Variants in SIM2 observed in about 807,000 individuals in gnomAD.
SIM2 encodes the protein SIM bHLH transcription factor 2, also known as single-minded homolog 2.
In SIM2, 28 loss-of-function variants were observed where a neutral mutation model predicts 64.8. That is an observed-to-expected ratio of 0.43 (90% CI 0.32 to 0.59). The LOEUF is 0.59. SIM2 is among the 20% of genes least tolerant of loss of function. The pLI is 0.07. For missense variants in SIM2, 847 were observed against 871.4 expected (o/e 0.97, Z 0.35); for synonymous variants, 408 against 391.1 (o/e 1.04, Z -0.51).
At chr21:36,707,873 C>T (rs1489483962) in intron 1 of SIM2, among the ~76,000 whole-genome samples, 1 of 150,094 alleles carries the variant, frequency 6.7e-6, no homozygotes, top group Non-Finnish European at 1.5e-5. Context: ...TCCCTCGTAT[C>T]CCGCGCTGCC....
rs2089219578 is a variant in SIM2, at chr21:36,745,636, G to A, written c.1576+500G>A. ...CAGAAATGCCACTCACCAACCCAGG[G>A]CAAAGAACACAAACCCTCCAGGCCT... On this transcript the variant is annotated intron_variant, in intron 10 of 10. Transcript: ENST00000290399. This position sits in a 1 kb window ranked among gnomAD's most constrained non-coding sequence, Gnocchi z 4.8. 3 of 1,148,082 alleles carry A rather than the reference G, an allele frequency of 2.6e-6. No homozygotes were observed. The highest frequency in any genetic ancestry group is 3.9e-5 in the South Asian group (2 of 51,530). 71.1% of individuals were successfully genotyped at this position (1,148,082 alleles called of 1,614,324 possible). A position where few individuals can be genotyped will look rare whatever the true frequency, so the allele number is the denominator to read the frequency against.
In SIM2 at chr21:36,737,573, G is replaced by A. The variant is rs571820608; in HGVS notation, c.851-4144G>A. ...GGGCTGTCCATGGTTTGGAAGAACCGTGATGTCCACATGGCTATTCTTCCA... is the reference window on the plus strand; with the variant it reads ...GGGCTGTCCATGGTTTGGAAGAACCATGATGTCCACATGGCTATTCTTCCA... On this transcript the variant is annotated intron_variant, in intron 7 of 10. Transcript: ENST00000290399. 3.5e-4 allele frequency among the ~76,000 whole-genome samples: 54 copies of A among 152,340 alleles called. 1 individual carries two copies. In the South Asian group the frequency reaches 6.0e-3, roughly 17 times the overall value.
At position 36,745,010 on chromosome 21, in the gene SIM2, C is replaced by T. The variant is rs753537362; in HGVS notation, c.1450C>T (p.Pro484Ser). The change falls in exon 10 of 11, where the codon CCA becomes TCA. Residue 484 changes from proline to serine, a missense_variant. Pro to Ser is a moderately conservative substitution (Grantham distance 74). Around this residue, in one of 3 missense-constraint regions of SIM2, gnomAD observed 447 missense variants for 414.6 expected, o/e 1.08. Coordinates refer to ENST00000290399, the MANE Select transcript of SIM2 (RefSeq NM_005069.6). This position sits in a 1 kb window ranked among gnomAD's most constrained non-coding sequence, Gnocchi z 4.8. ...GGCACGCTTTTTCCTGAGCACACTG[C>T]CAGCCAGCGGTGAATGCCAGTGGCA... ...EVARFFLSTLPASGECQWHYA... is the reference protein window; with the variant it reads ...EVARFFLSTLSASGECQWHYA... 1 of 1,614,096 alleles carries T rather than the reference C, an allele frequency of 6.2e-7. No homozygotes were observed. The highest frequency in any genetic ancestry group is 1.1e-5 in the South Asian group (1 of 91,094).
intron 7 of SIM2, among the ~76,000 whole-genome samples, chr21:36,737,973 A>AAAAAAAAAAAAAAGC (rs1555877008): frequency 9.1e-5 from 11 of 120,344 alleles, no homozygotes; most frequent in Non-Finnish European, 2.2e-4. Context: ...AAAAAAAAAA[A>AAAAAAAAAAAAAAGC]AAAAAAAAAG....
chr21:36,722,912 G>A (rs2088842762), intron 4 of SIM2, 133 bp from the exon 5 acceptor site: 1 of 717,834 alleles, frequency 1.4e-6, no homozygotes, highest in South Asian at 1.6e-5. Context: ...GAAGATCTCT[G>A]AGCAGGGTCT....
At chr21:36,709,500 A>T (rs1601688396) in intron 2 of SIM2, 1 of 654,308 alleles carries the variant, frequency 1.5e-6, no homozygotes, top group Non-Finnish European at 2.8e-6. Context: ...TCCCCAGGCC[A>T]CCTGAGACCT....
chr21:36,735,354 T>A (rs2089028899), intron 7 of SIM2, among the ~76,000 whole-genome samples: 1 of 152,218 alleles, frequency 6.6e-6, no homozygotes, highest in African/African-American at 2.4e-5. Context: ...CCAGGCTGTG[T>A]TAAGATGTTC....
chr21:36,720,934 C>T lies in SIM2; in HGVS notation c.457+1005C>T, dbSNP rs373500905. 1.9e-4 allele frequency among the ~76,000 whole-genome samples: 29 copies of T among 152,306 alleles called. No homozygotes were observed. In the East Asian group the frequency reaches 2.9e-3, roughly 15 times the overall value. On this transcript the variant is annotated intron_variant, in intron 4 of 10. Coordinates refer to ENST00000290399, the MANE Select transcript of SIM2 (RefSeq NM_005069.6). The stretch of plus-strand genomic sequence containing the variant: ...CAGAATACCCCAGTGGAACAAAATG[C>T]AAAAGAAGAGGCTTTAAGGGTGATG...
In SIM2 at chr21:36,699,653, G is replaced by T; in HGVS notation, c.-94G>T. 3 of 1,438,164 alleles carry T rather than the reference G, an allele frequency of 2.1e-6. No homozygotes were observed. Among genetic ancestry groups the T allele is most frequent in the Non-Finnish European group, 2.8e-6 (3 of 1,074,036 alleles). 89.1% of individuals were successfully genotyped at this position (1,438,164 alleles called of 1,614,324 possible). ...CACTCCGCGGACTCACCTGGCTCCC[G>T]GCTCCCCCTTCCCCATCCCCGCCGC... is the stretch of plus-strand genomic sequence containing the variant. On this transcript the variant is annotated 5_prime_UTR_variant, in exon 1 of 11. Coordinates refer to ENST00000290399, the MANE Select transcript of SIM2 (RefSeq NM_005069.6). The surrounding 1 kb of genome is among the most constrained non-coding windows in gnomAD (Gnocchi z 5.6).
chr21:36,748,190 G>A lies in SIM2; in HGVS notation c.*98G>A. 1 of 509,924 alleles carries A rather than the reference G, an allele frequency of 2.0e-6. No individual in the cohort carries two copies. Among genetic ancestry groups the A allele is most frequent in the Non-Finnish European group, 2.6e-6 (1 of 381,408 alleles). 31.6% of individuals were successfully genotyped at this position (509,924 alleles called of 1,614,324 possible). On this transcript the variant is annotated 3_prime_UTR_variant, in exon 11 of 11. Coordinates refer to ENST00000290399, the MANE Select transcript of SIM2 (RefSeq NM_005069.6). ...CGCACGACCTACATTAATTTATGCA[G>A]AGACAGCTGTTTGAATTGGACCCCG...
intron 7 of SIM2, among the ~76,000 whole-genome samples, chr21:36,738,330 C>A (rs191117563): frequency 6.6e-6 from 1 of 152,218 alleles, no homozygotes; most frequent in African/African-American, 2.4e-5. Context: ...CATAGTGAAA[C>A]CCCGTCTCTA....
At chr21:36,738,212 T>G (rs1209918694) in intron 7 of SIM2, among the ~76,000 whole-genome samples, 1 of 151,956 alleles carries the variant, frequency 6.6e-6, no homozygotes, top group African/African-American at 2.4e-5. Context: ...TGTATTACTT[T>G]GAAAGTAATA....
chr21:36,709,412 A>C (rs1257020199), intron 2 of SIM2, 162 bp downstream of exon 2: 1 of 718,252 alleles, frequency 1.4e-6, no homozygotes, highest in South Asian at 1.5e-5. Flanking sequence ...ATGGACGCTT[A>C]GCATGTCGGA....
At chr21:36,735,169 G>A (rs2089025970) in intron 7 of SIM2, among the ~76,000 whole-genome samples, 1 of 152,140 alleles carries the variant, frequency 6.6e-6, no homozygotes, top group Non-Finnish European at 1.5e-5. Flanking sequence ...GTAGCTGGAG[G>A]GCAGCTCTCA....
chr21:36,722,140 G>A (rs1047160724), intron 4 of SIM2, among the ~76,000 whole-genome samples: 2 of 152,204 alleles, frequency 1.3e-5, no homozygotes, highest in Admixed American at 1.3e-4. Flanking sequence ...ACCAGTTGAT[G>A]TATTTTTAGA....
intron 9 of SIM2, among the ~76,000 whole-genome samples, 195 bp from the exon 10 acceptor site, chr21:36,744,533 T>C (rs2089204176): frequency 6.6e-6 from 1 of 152,170 alleles, no homozygotes; most frequent in South Asian, 2.1e-4. Context: ...GTGGGGGATC[T>C]CTTTCCACCC....
chr21:36,709,300 C>T (rs2088639088), intron 2 of SIM2, 50 bp downstream of exon 2: 1 of 1,396,420 alleles, frequency 7.2e-7, no homozygotes, highest in Non-Finnish European at 9.8e-7. Flanking sequence ...GGCTCCCTTC[C>T]CACCCCGCCA....
intron 3 of SIM2, among the ~76,000 whole-genome samples, chr21:36,715,349 C>T (rs766716842): frequency 2.0e-4 from 31 of 152,260 alleles, no homozygotes; most frequent in Non-Finnish European, 4.4e-4. Context: ...AAATACCCAA[C>T]TGGTCTTTTA....
Position 36,731,137 on chromosome 21 carries a change from A to T in SIM2, c.836A>T (p.Tyr279Phe). 1 of 1,613,758 alleles carries T rather than the reference A, an allele frequency of 6.2e-7. No homozygotes were observed. The highest frequency in any genetic ancestry group is 8.5e-7 in the Non-Finnish European group (1 of 1,179,860). Residue 279 changes from tyrosine (Y) to phenylalanine (F), a missense_variant, in exon 7 of 11, where the codon TAC becomes TTC. This residue lies in a region of SIM2 where 397 missense variants were observed against 439.2 expected (regional missense o/e 0.90). Coordinates refer to ENST00000290399, the MANE Select transcript of SIM2 (RefSeq NM_005069.6). ...GGCTGCGACGTGTTCCACCTCCGCTACGCACACCACCTCCGTGAGTAGCAC... is the reference window on the plus strand; with the variant it reads ...GGCTGCGACGTGTTCCACCTCCGCTTCGCACACCACCTCCGTGAGTAGCAC... ...VHGCDVFHLR[Y>F]AHHLLLVKGQ... is the part of the protein sequence containing the mutation.
Sources: allele counts gnomAD v4.1 joint callset (sites outside exome capture counted in the v4.1 genomes callset), GRCh38; gene constraint gnomAD v4.1.1; regional missense constraint gnomAD v4.1.1; non-coding constraint Gnocchi (gnomAD v3.1); transcripts MANE v1.5; gene names NCBI Gene and HGNC (gene_info 2026-07-23, HGNC 2026-07-21).